Variants in NOL4 observed in about 807,000 individuals in gnomAD.
The protein encoded by NOL4 is nucleolar protein 4, also known as cancer/testis antigen 125.
A neutral mutation model predicts 75.9 loss-of-function variants in NOL4; 17 were observed. That is an observed-to-expected ratio of 0.22 (90% CI 0.15 to 0.34). The LOEUF is 0.34. Ranked by LOEUF, NOL4 falls within the 10% of genes least tolerant of loss-of-function variation. The pLI is 1.00. For synonymous variants in NOL4, 292 were observed against 289.9 expected (o/e 1.01, Z -0.07); for missense variants, 614 against 793.5 (o/e 0.77, Z 2.72).
intron 1 of NOL4, among the ~76,000 whole-genome samples, chr18:34,161,707 TGTTGA>T (rs944025580): frequency 2.0e-5 from 3 of 152,176 alleles, no homozygotes; most frequent in African/African-American, 7.2e-5. Flanking sequence ...CTTTTTATGC[TGTTGA>T]GTTGAGTTCC....
At chr18:33,941,780 T>C (rs528316590) in intron 9 of NOL4, among the ~76,000 whole-genome samples, 2 of 151,796 alleles carry the variant, frequency 1.3e-5, no homozygotes, top group Non-Finnish European at 2.9e-5. Flanking sequence ...CAAAACCAGG[T>C]CTATTTAGTT....
chr18:34,128,471 C>T (rs2080482424), intron 2 of NOL4, among the ~76,000 whole-genome samples: 1 of 151,874 alleles, frequency 6.6e-6, no homozygotes, highest in Admixed American at 6.6e-5. Context: ...TTTCCTATTA[C>T]TGTCCAGAGG....
intron 10 of NOL4, among the ~76,000 whole-genome samples, chr18:33,853,311 G>A (rs1320078752): frequency 6.6e-6 from 1 of 152,008 alleles, no homozygotes; most frequent in Non-Finnish European, 1.5e-5. Flanking sequence ...TGGAACATGT[G>A]TTTTTTGAAA....
At chr18:34,018,861 A>C (rs1242591350) in intron 6 of NOL4, among the ~76,000 whole-genome samples, 2 of 152,208 alleles carry the variant, frequency 1.3e-5, no homozygotes, top group South Asian at 2.1e-4. Flanking sequence ...GTGTCCACAA[A>C]GAAAATTACT....
chr18:33,876,872 C>T (rs2144581552), intron 10 of NOL4, among the ~76,000 whole-genome samples: 1 of 152,072 alleles, frequency 6.6e-6, no homozygotes, highest in East Asian at 1.9e-4. Context: ...GAAAACGAAA[C>T]TGGTATTTAG....
chr18:34,190,302 T>C (rs1199394204), intron 1 of NOL4, among the ~76,000 whole-genome samples: 2 of 151,970 alleles, frequency 1.3e-5, no homozygotes, highest in African/African-American at 4.8e-5. Flanking sequence ...AGGCCATCTG[T>C]AACAGATCGC....
At chr18:33,953,946 G>A (rs2069448198) in intron 8 of NOL4, among the ~76,000 whole-genome samples, 1 of 152,084 alleles carries the variant, frequency 6.6e-6, no homozygotes, top group Admixed American at 6.6e-5. Flanking sequence ...CAAGTTTCAA[G>A]AAAAAGAGCA....
chr18:34,168,799 T>C (rs941064397), intron 1 of NOL4, among the ~76,000 whole-genome samples: 4 of 145,398 alleles, frequency 2.8e-5, no homozygotes, highest in Non-Finnish European at 4.4e-5. Flanking sequence ...AATTCTAATT[T>C]ATAAATTCCA....
chr18:33,870,222 T>A (rs2063629479), intron 10 of NOL4, among the ~76,000 whole-genome samples: 1 of 151,976 alleles, frequency 6.6e-6, no homozygotes, highest in African/African-American at 2.4e-5. Context: ...GGGCATTATA[T>A]GAAGTGAAAT....
chr18:34,047,589 A>C (rs1392219141), intron 5 of NOL4, among the ~76,000 whole-genome samples: 2 of 152,132 alleles, frequency 1.3e-5, no homozygotes, highest in African/African-American at 2.4e-5. Context: ...TCAATTTTGT[A>C]TGTGGATTAA....
At chr18:33,939,076 G>A (rs1288064266) in intron 9 of NOL4, among the ~76,000 whole-genome samples, 1 of 151,920 alleles carries the variant, frequency 6.6e-6, no homozygotes, top group Admixed American at 6.6e-5. Flanking sequence ...TATCAAAGAT[G>A]AGATGGTTGT....
At chr18:33,864,943 C>T (rs1036162996) in intron 10 of NOL4, among the ~76,000 whole-genome samples, 7 of 152,102 alleles carry the variant, frequency 4.6e-5, no homozygotes, top group African/African-American at 1.7e-4. Flanking sequence ...ACTCACTTAC[C>T]TTCATGAGAA....
intron 1 of NOL4, among the ~76,000 whole-genome samples, chr18:34,194,075 G>A (rs1472637525): frequency 6.6e-6 from 1 of 152,082 alleles, no homozygotes; most frequent in Non-Finnish European, 1.5e-5. Flanking sequence ...GCTAGGGTGG[G>A]GGATAGGGGT....
chr18:33,919,811 T>A (rs1007394733), intron 9 of NOL4, among the ~76,000 whole-genome samples: 3 of 152,198 alleles, frequency 2.0e-5, no homozygotes, highest in Non-Finnish European at 4.4e-5. Context: ...AATGCCCTTT[T>A]AAATCTATAT....
chr18:34,206,061 ACTGT>A (rs2036101719), intron 1 of NOL4, among the ~76,000 whole-genome samples: 2 of 152,178 alleles, frequency 1.3e-5, no homozygotes, highest in African/African-American at 4.8e-5. Flanking sequence ...ACGTCAAAAT[ACTGT>A]CTAATTTATC....
intron 6 of NOL4, among the ~76,000 whole-genome samples, chr18:34,015,620 A>C (rs1484963902): frequency 6.6e-6 from 1 of 151,962 alleles, no homozygotes; most frequent in East Asian, 1.9e-4. Context: ...ATGCTCTCCC[A>C]AGGTGATCTT....
intron 5 of NOL4, among the ~76,000 whole-genome samples, chr18:34,033,059 C>T (rs2075719479): frequency 6.6e-6 from 1 of 152,142 alleles, no homozygotes; most frequent in Non-Finnish European, 1.5e-5. Context: ...GGAAAAAGTC[C>T]TCCCTGATGA....
At chr18:34,129,784 AT>A (rs2080551012) in intron 2 of NOL4, 86 bp downstream of exon 2, 2 of 1,218,646 alleles carry the variant, frequency 1.6e-6, no homozygotes, top group Non-Finnish European at 2.2e-6. Flanking sequence ...AAGATAGAAT[AT>A]TTATAATTAT....
chr18:33,884,333 A>T (rs1369686524), intron 9 of NOL4, among the ~76,000 whole-genome samples: 1 of 151,968 alleles, frequency 6.6e-6, no homozygotes, highest in East Asian at 1.9e-4. Flanking sequence ...CTCCAAGCTG[A>T]TTCCATTACA....
Sources: gnomAD v4.1 joint callset for allele counts (sites outside exome capture counted in the v4.1 genomes callset) on GRCh38, gnomAD v4.1.1 for gene constraint, MANE v1.5 for transcripts, NCBI Gene and HGNC (gene_info 2026-07-23, HGNC 2026-07-21) for gene names.